EEFSEC: variants seen among roughly 807,000 people sequenced by gnomAD.
EEFSEC encodes the protein selenocysteine-specific elongation factor.
Under a neutral mutation model 42.1 loss-of-function variants are expected in EEFSEC, and 43 were observed. The ratio of observed to expected loss-of-function variants is 1.02; its 90% CI spans 0.80 to 1.32. The LOEUF (loss-of-function observed/expected upper bound fraction) is 1.32. EEFSEC is among the 40% of genes most tolerant of loss of function. The pLI is 0.00. For missense variants in EEFSEC, 745 were observed against 803.6 expected (o/e 0.93, Z 0.88); for synonymous variants, 354 against 339.1 (o/e 1.04, Z -0.48).
chr3:128,276,463 C>T (rs1183519460), intron 4 of EEFSEC, among the ~76,000 whole-genome samples: 15 of 152,184 alleles, frequency 9.9e-5, no homozygotes, highest in Non-Finnish European at 2.1e-4. Flanking sequence ...TACTGTGCAG[C>T]CTGGGTGACT....
rs143319277 is a variant in EEFSEC, at chr3:128,308,935, C to T, written c.787-32298C>T. ...GTCTTGCAGCCTGCTAAAGAGAGTC[C>T]GTGAGGTGTGTTTGTTTTGTTTTGT... On this transcript the variant is annotated intron_variant, in intron 4 of 6. Coordinates refer to ENST00000254730, the MANE Select transcript of EEFSEC (RefSeq NM_021937.5). Among the ~76,000 whole-genome samples, 18 of 152,278 alleles carry T rather than the reference C, an allele frequency of 1.2e-4. No homozygotes were observed. The South Asian group carries it at 2.1e-3, about 18-fold the overall frequency.
At chr3:128,199,883 G>C (rs1422917494) in intron 1 of EEFSEC, among the ~76,000 whole-genome samples, 4 of 151,824 alleles carry the variant, frequency 2.6e-5, no homozygotes, top group Non-Finnish European at 4.4e-5. Flanking sequence ...ACAGGCGCAC[G>C]CCACCACGCC....
intron 1 of EEFSEC, among the ~76,000 whole-genome samples, chr3:128,201,399 A>G (rs1281634477): frequency 1.3e-5 from 2 of 152,072 alleles, no homozygotes; most frequent in Admixed American, 1.3e-4. Context: ...AAAAAAAAGA[A>G]TCTCATAGCA....
At chr3:128,352,070 T>A (rs1414236372) in intron 5 of EEFSEC, among the ~76,000 whole-genome samples, 1 of 152,242 alleles carries the variant, frequency 6.6e-6, no homozygotes, top group African/African-American at 2.4e-5. Context: ...CTCTTTCCTT[T>A]AGCTGGAAGA....
At chr3:128,366,533 G>A (rs1302689106) in intron 6 of EEFSEC, among the ~76,000 whole-genome samples, 1 of 152,048 alleles carries the variant, frequency 6.6e-6, no homozygotes, top group Non-Finnish European at 1.5e-5. Flanking sequence ...GGGCACAGAG[G>A]AGGAGGAGGA....
At chr3:128,196,100 T>TTGTGTGAGA (rs1336266632) in intron 1 of EEFSEC, among the ~76,000 whole-genome samples, 1 of 152,252 alleles carries the variant, frequency 6.6e-6, no homozygotes, top group Admixed American at 6.5e-5. Context: ...GACTCTCTGC[T>TTGTGTGAGA]GTTTGATTGT....
intron 1 of EEFSEC, among the ~76,000 whole-genome samples, chr3:128,165,483 CTTTG>C (rs901661980): frequency 4.6e-5 from 7 of 152,012 alleles, no homozygotes; most frequent in Non-Finnish European, 5.9e-5. Context: ...TTGAAGTGGC[CTTTG>C]TTGGGTGGGT....
chr3:128,162,574 T>C (rs1044982519), intron 1 of EEFSEC, among the ~76,000 whole-genome samples: 1 of 152,140 alleles, frequency 6.6e-6, no homozygotes, highest in African/African-American at 2.4e-5. Context: ...TGGGTGACAG[T>C]GTGGGAGTAG....
intron 1 of EEFSEC, among the ~76,000 whole-genome samples, chr3:128,238,893 T>A (rs1017281549): frequency 5.9e-5 from 9 of 152,238 alleles, no homozygotes; most frequent in African/African-American, 2.2e-4. Context: ...TTCTTAAACT[T>A]CTTCTGGTCC....
At chr3:128,290,010 G>A (rs763670838) in intron 4 of EEFSEC, among the ~76,000 whole-genome samples, 69 of 152,308 alleles carry the variant, frequency 4.5e-4, no homozygotes, top group Non-Finnish European at 9.3e-4. Context: ...CACATACTTA[G>A]ATGATTTCTC....
intron 1 of EEFSEC, among the ~76,000 whole-genome samples, chr3:128,208,906 G>T (rs1008853442): frequency 1.3e-5 from 2 of 152,124 alleles, no homozygotes; most frequent in African/African-American, 4.8e-5. Flanking sequence ...TAAACCATAC[G>T]TTGTGAATTC....
At chr3:128,263,017 C>T (rs2066314821) in intron 3 of EEFSEC, among the ~76,000 whole-genome samples, 2 of 152,166 alleles carry the variant, frequency 1.3e-5, no homozygotes, top group Non-Finnish European at 1.5e-5. Flanking sequence ...TCAGTTCCTT[C>T]ACTTGGAAGA....
chr3:128,160,478 C>G (rs2065172855), intron 1 of EEFSEC, among the ~76,000 whole-genome samples: 1 of 151,426 alleles, frequency 6.6e-6, no homozygotes. Context: ...CCTAAGGGTC[C>G]TGGAGCTCCT....
chr3:128,227,309 CT>C (rs2065917719), intron 1 of EEFSEC, among the ~76,000 whole-genome samples: 2 of 152,076 alleles, frequency 1.3e-5, no homozygotes, highest in Admixed American at 1.3e-4. Context: ...ATTCCTCCCC[CT>C]ACCCCCCCAC....
intron 1 of EEFSEC, among the ~76,000 whole-genome samples, chr3:128,182,891 T>A (rs56289406): frequency 2.2e-4 from 3 of 13,890 alleles, no homozygotes; most frequent in Non-Finnish European, 2.0e-4. Flanking sequence ...GGCGGGGGGG[T>A]GGGGTGGTTG....
intron 4 of EEFSEC, among the ~76,000 whole-genome samples, chr3:128,286,141 C>T (rs1273898969): frequency 6.6e-6 from 1 of 152,224 alleles, no homozygotes; most frequent in Non-Finnish European, 1.5e-5. Flanking sequence ...CTGATATGTA[C>T]AGTCTCAGTT....
downstream of EEFSEC, among the ~76,000 whole-genome samples, chr3:128,410,228 G>A (rs778135148): frequency 4.6e-5 from 7 of 152,200 alleles, no homozygotes; most frequent in Non-Finnish European, 1.0e-4. Flanking sequence ...CTCCTCCTCA[G>A]TGTGGGGCTG....
rs191773872 is a variant in EEFSEC, at chr3:128,404,692, G to C, written c.1601-3377G>C. 2.7e-3 allele frequency among the ~76,000 whole-genome samples: 404 copies of C among 152,162 alleles called. 2 individuals carry two copies. Among genetic ancestry groups the C allele is most frequent in the African/African-American group, 8.3e-3 (343 of 41,554 alleles). ...CCACACTCTGTGCCCCATCCCAAGC[G>C]GGGGGCAGACCACCTAGGTATGGAA... On this transcript the variant is annotated intron_variant, in intron 6 of 6. Transcript: ENST00000254730.
intron 1 of EEFSEC, among the ~76,000 whole-genome samples, chr3:128,158,340 C>G (rs1414174109): frequency 6.6e-6 from 1 of 152,194 alleles, no homozygotes; most frequent in Non-Finnish European, 1.5e-5. Context: ...AAAGCAGTGG[C>G]AAGATTTGAG....
Sources: gnomAD v4.1 joint callset for allele counts (sites outside exome capture counted in the v4.1 genomes callset) on GRCh38, gnomAD v4.1.1 for gene constraint, MANE v1.5 for transcripts, NCBI Gene and HGNC (gene_info 2026-07-23, HGNC 2026-07-21) for gene names.